Variants in GABRG1 observed in about 807,000 individuals in gnomAD.
GABRG1 encodes the protein gamma-aminobutyric acid type A receptor subunit gamma1, also known as gamma-aminobutyric acid receptor subunit gamma-1.
In GABRG1, 49 loss-of-function variants were observed where a neutral mutation model predicts 49.8. That is an observed-to-expected ratio of 0.98 (90% CI 0.78 to 1.25). The LOEUF (loss-of-function observed/expected upper bound fraction) is 1.25, where lower values mean the gene tolerates loss of function less well. Among genes scored for constraint, GABRG1 ranks in the 50% most tolerant of loss-of-function variants. The probability of loss-of-function intolerance (pLI) is 0.00; values close to 1 mark genes in which losing one functional copy is unlikely to be tolerated. For missense variants in GABRG1, 552 were observed against 552.3 expected (o/e 1.00, Z 0.01); for synonymous variants, 232 against 185.1 (o/e 1.25, Z -2.06).
chr4:46,072,263 A>G (rs779445324), intron 3 of GABRG1, among the ~76,000 whole-genome samples: 9 of 152,096 alleles, frequency 5.9e-5, no homozygotes, highest in Non-Finnish European at 1.0e-4. Flanking sequence ...GTGTAAATAC[A>G]TTCTGTGATG....
Position 46,094,283 on chromosome 4 carries a change from C to T in GABRG1, c.253+2918G>A, listed in dbSNP as rs148627508. ...CTTCAAAATGACTGTAAATGTCAAA[C>T]AAGCAAACAAATAAAACCCCAAATA... On this transcript the variant is annotated intron_variant, in intron 2 of 8. Transcript: ENST00000295452. 2.9e-3 allele frequency among the ~76,000 whole-genome samples: 445 copies of T among 151,916 alleles called. 5 individuals are homozygous for T. The highest frequency in any genetic ancestry group is 0.01 in the African/African-American group (420 of 41,496).
intron 2 of GABRG1, among the ~76,000 whole-genome samples, chr4:46,090,426 A>G (rs1719937416): frequency 6.6e-6 from 1 of 152,064 alleles, no homozygotes; most frequent in Admixed American, 6.6e-5. Context: ...TCTATTCTAC[A>G]AATACTTGGT....
At chr4:46,047,639 T>C (rs938709809) in intron 8 of GABRG1, among the ~76,000 whole-genome samples, 2 of 151,892 alleles carry the variant, frequency 1.3e-5, no homozygotes, top group African/African-American at 4.8e-5. Flanking sequence ...AAAAATACAT[T>C]TTATGTTTTT....
intron 2 of GABRG1, among the ~76,000 whole-genome samples, chr4:46,086,510 G>A (rs1207702090): frequency 6.6e-6 from 1 of 151,348 alleles, no homozygotes. Flanking sequence ...GGTCACTTTT[G>A]TATATTAAAA....
intron 1 of GABRG1, among the ~76,000 whole-genome samples, chr4:46,122,541 AAG>A (rs909325017): frequency 1.3e-5 from 2 of 152,118 alleles, no homozygotes; most frequent in Admixed American, 6.6e-5. Flanking sequence ...GTTAAAAAAA[AAG>A]AGAGAGAAAA....
intron 2 of GABRG1, among the ~76,000 whole-genome samples, chr4:46,085,640 T>G (rs1719728182): frequency 6.6e-6 from 1 of 151,486 alleles, no homozygotes; most frequent in Admixed American, 6.6e-5. Flanking sequence ...TCATATTAAT[T>G]TTGAAACCAC....
Position 46,093,819 on chromosome 4 carries a change from T to C in GABRG1, c.253+3382A>G, listed in dbSNP as rs544927386. On this transcript the variant is annotated intron_variant, in intron 2 of 8. Coordinates refer to ENST00000295452, the MANE Select transcript of GABRG1 (RefSeq NM_173536.4). ...GTACCTAAAACAGTTTCAATATGTA[T>C]AAAGCAAAATCTTACTGGACTAAAA... is the stretch of plus-strand genomic sequence containing the variant. 2.6e-5 allele frequency among the ~76,000 whole-genome samples: 4 copies of C among 152,060 alleles called. No homozygotes were observed. The East Asian group carries it at 7.8e-4, about 30-fold the overall frequency.
At chr4:46,085,123 G>C (rs541846159) in intron 2 of GABRG1, among the ~76,000 whole-genome samples, 1 of 150,976 alleles carries the variant, frequency 6.6e-6, no homozygotes, top group South Asian at 2.1e-4. Flanking sequence ...ATCAGCAAAC[G>C]CCGAGTGCCT....
intron 8 of GABRG1, among the ~76,000 whole-genome samples, chr4:46,049,748 G>C (rs903102142): frequency 1.9e-4 from 29 of 152,050 alleles, no homozygotes; most frequent in Middle Eastern, 3.4e-3. Context: ...GTCTACACTA[G>C]AGTAATCCAG....
chr4:46,061,587 G>A (rs963362374), intron 5 of GABRG1, among the ~76,000 whole-genome samples: 6 of 152,006 alleles, frequency 3.9e-5, no homozygotes, highest in East Asian at 1.9e-4. Context: ...AAATACATGT[G>A]AGGATATGTA....
chr4:46,107,974 G>A (rs908935218), intron 1 of GABRG1, among the ~76,000 whole-genome samples: 2 of 151,120 alleles, frequency 1.3e-5, no homozygotes, highest in Admixed American at 6.6e-5. Context: ...ATCTATGCTA[G>A]AGGACATATG....
In GABRG1 at chr4:46,097,294, C is replaced by A; in HGVS notation, c.160G>T (p.Val54Phe). 1 of 1,610,958 alleles carries A rather than the reference C, an allele frequency of 6.2e-7. No homozygotes were observed. Among genetic ancestry groups the A allele is most frequent in the Non-Finnish European group, 8.5e-7 (1 of 1,178,072 alleles). ...DEDLTVNKTW[V>F]LAPKIHEGDI... ...CCTTCATGAATTTTTGGGGCCAAGACCCAGGTTTTGTTCACCGTTAAATCC... is the reference window on the plus strand; with the variant it reads ...CCTTCATGAATTTTTGGGGCCAAGAACCAGGTTTTGTTCACCGTTAAATCC... The change falls in exon 2 of 9, where the codon GTC (valine) becomes TTC (phenylalanine). Residue 54 changes from valine to phenylalanine, a missense_variant. Transcript: ENST00000295452.
intron 1 of GABRG1, among the ~76,000 whole-genome samples, chr4:46,110,564 A>G (rs774162992): frequency 3.3e-5 from 5 of 151,178 alleles, no homozygotes; most frequent in Non-Finnish European, 7.4e-5. Context: ...AGAAAACTAC[A>G]GGCAAATATC....
chr4:46,052,753 C>A (rs1718279355), intron 7 of GABRG1, among the ~76,000 whole-genome samples: 1 of 151,742 alleles, frequency 6.6e-6, no homozygotes, highest in Non-Finnish European at 1.5e-5. Context: ...TTAATTTGAC[C>A]AATATTTATA....
At position 46,058,212 on chromosome 4, in the gene GABRG1, C is replaced by T; in HGVS notation, c.916+5G>A. 1 of 1,608,614 alleles carries T rather than the reference C, an allele frequency of 6.2e-7. No individual in the cohort carries two copies. Among genetic ancestry groups the T allele is most frequent in the Non-Finnish European group, 8.5e-7 (1 of 1,177,904 alleles). Reference sequence around the variant, plus strand: ...GGCATTATAGCATAATATTACATGTCATACCCAACGATGTTCTTGCAGGCA... The same window carrying T: ...GGCATTATAGCATAATATTACATGTTATACCCAACGATGTTCTTGCAGGCA... On this transcript the variant is annotated splice_donor_5th_base_variant and intron_variant, in intron 7 of 8. Transcript: ENST00000295452.
chr4:46,076,892 T>C (rs572206557), intron 3 of GABRG1, among the ~76,000 whole-genome samples: 1 of 151,740 alleles, frequency 6.6e-6, no homozygotes, highest in South Asian at 2.1e-4. Flanking sequence ...AGGTCTAGGG[T>C]GTGTATATAT....
intron 1 of GABRG1, among the ~76,000 whole-genome samples, chr4:46,101,086 C>A (rs1349087362): frequency 6.6e-6 from 1 of 151,252 alleles, no homozygotes; most frequent in Non-Finnish European, 1.5e-5. Context: ...ATTTTTGTAG[C>A]AGTTACATGT....
intron 1 of GABRG1, among the ~76,000 whole-genome samples, chr4:46,123,533 C>T (rs1490709328): frequency 6.6e-6 from 1 of 152,054 alleles, no homozygotes; most frequent in Non-Finnish European, 1.5e-5. Flanking sequence ...CTCACTCCCT[C>T]CCAGTAACTC....
intron 2 of GABRG1, among the ~76,000 whole-genome samples, chr4:46,087,537 T>G (rs1017888756): frequency 2.0e-5 from 3 of 151,718 alleles, no homozygotes; most frequent in Admixed American, 1.3e-4. Context: ...AGGAGATAAA[T>G]TTTTCAATAG....
Sources: gnomAD v4.1 joint callset for allele counts (sites outside exome capture counted in the v4.1 genomes callset) on GRCh38, gnomAD v4.1.1 for gene constraint, MANE v1.5 for transcripts, NCBI Gene and HGNC (gene_info 2026-07-23, HGNC 2026-07-21) for gene names.